USP12: variants seen among roughly 807,000 people sequenced by gnomAD.
USP12 encodes the protein ubiquitin carboxyl-terminal hydrolase 12.
A neutral mutation model predicts 45.5 loss-of-function variants in USP12; 19 were observed. The ratio of observed to expected loss-of-function variants is 0.42; its 90% CI spans 0.29 to 0.61. USP12 has a LOEUF of 0.61. Among genes scored for constraint, USP12 ranks in the 20% least tolerant of loss-of-function variants. The pLI, the probability that USP12 is intolerant of heterozygous loss-of-function variation, is 0.22. For synonymous variants in USP12, 149 were observed against 148.8 expected, an observed-to-expected ratio of 1.00 and a Z score of -0.01; for missense variants, 242 against 447.7, an observed-to-expected ratio of 0.54 and a Z score of 4.15.
intron 1 of USP12, among the ~76,000 whole-genome samples, chr13:27,138,967 C>T (rs142598898): frequency 1.0e-3 from 152 of 152,262 alleles, no homozygotes; most frequent in African/African-American, 3.4e-3. Flanking sequence ...ACAGTTTCAA[C>T]GGTAAGGTGT....
chr13:27,077,112 C>T (rs1319847641), intron 6 of USP12: 1 of 152,062 alleles, frequency 6.6e-6, no homozygotes, highest in South Asian at 2.1e-4. Flanking sequence ...GAGTGTTGTA[C>T]AACTTAAATA....
chr13:27,150,401 A>G (rs1023654772), intron 1 of USP12, among the ~76,000 whole-genome samples: 2 of 152,236 alleles, frequency 1.3e-5, no homozygotes, highest in African/African-American at 4.8e-5. Context: ...CAGAGTTTCA[A>G]AACTCTGAAA....
At chr13:27,158,357 C>T (rs1213630061) in intron 1 of USP12, among the ~76,000 whole-genome samples, 5 of 152,238 alleles carry the variant, frequency 3.3e-5, no homozygotes, top group South Asian at 2.1e-4. Context: ...CCAACCCTGT[C>T]GACATCCTGA....
At chr13:27,084,284 G>C (rs1175498799) in intron 6 of USP12, among the ~76,000 whole-genome samples, 1 of 151,318 alleles carries the variant, frequency 6.6e-6, no homozygotes, top group Non-Finnish European at 1.5e-5. Context: ...AAGGCAGGCA[G>C]ATCACAAGGT....
At chr13:27,146,732 C>T (rs1010317080) in intron 1 of USP12, among the ~76,000 whole-genome samples, 2 of 152,108 alleles carry the variant, frequency 1.3e-5, no homozygotes, top group Non-Finnish European at 2.9e-5. Flanking sequence ...TTAATTCATC[C>T]GTTATGCATT....
At chr13:27,109,743 G>A (rs1270925906) in intron 2 of USP12, among the ~76,000 whole-genome samples, 2 of 151,730 alleles carry the variant, frequency 1.3e-5, no homozygotes, top group Admixed American at 6.6e-5. Flanking sequence ...GTGAAACCCC[G>A]TCTCTACTAA....
chr13:27,069,093 A>G lies in USP12; in HGVS notation c.*190T>C. 1 of 614,946 alleles carries G rather than the reference A, an allele frequency of 1.6e-6. No homozygotes were observed. The highest frequency in any genetic ancestry group is 1.9e-5 in the South Asian group (1 of 51,632). 38.1% of individuals were successfully genotyped at this position (614,946 alleles called of 1,614,324 possible). ...AACTGTACAGACAGCATGATACCTG[A>G]GCAAATAAATCAACTACCATGATCG... On this transcript the variant is annotated 3_prime_UTR_variant, in exon 9 of 9. Transcript: ENST00000282344.
intron 1 of USP12, among the ~76,000 whole-genome samples, chr13:27,130,045 G>T (rs1344754020): frequency 6.6e-6 from 1 of 152,172 alleles, no homozygotes; most frequent in African/African-American, 2.4e-5. Flanking sequence ...AGTTGATGAA[G>T]GGAGAAGAGA....
At position 27,109,912 on chromosome 13, in the gene USP12, C is replaced by CAA. The variant is rs58500654; in HGVS notation, c.130-3970_130-3969dup. On this transcript the variant is annotated intron_variant, in intron 2 of 8. Coordinates refer to ENST00000282344, the MANE Select transcript of USP12 (RefSeq NM_182488.4). ...GGGCGACACAGTGAGACTCTGTCTC[C>CAA]AAAAAAAAAAAAAAGTCATCTTTGA... Among the ~76,000 whole-genome samples, 346 of 108,348 alleles carry CAA rather than the reference C, an allele frequency of 3.2e-3. 22 individuals carry two copies. Among genetic ancestry groups the CAA allele is most frequent in the African/African-American group, 0.012 (318 of 27,612 alleles). 71.1% of individuals were successfully genotyped at this position (108,348 alleles called of 152,430 possible).
chr13:27,123,828 A>C lies in USP12; in HGVS notation c.49-7232T>G, dbSNP rs887284322. Among the ~76,000 whole-genome samples, 4 of 152,176 alleles carry C rather than the reference A, an allele frequency of 2.6e-5. No individual in the cohort carries two copies. In the South Asian group the frequency reaches 8.3e-4, roughly 31 times the overall value. On this transcript the variant is annotated intron_variant, in intron 1 of 8. Coordinates refer to ENST00000282344, the MANE Select transcript of USP12 (RefSeq NM_182488.4). Reference sequence around the variant, plus strand: ...ATTACCCAGTCTCAGGTATTTCTTCACAACAGTATGAAAATGGACTAATAC... The same window carrying C: ...ATTACCCAGTCTCAGGTATTTCTTCCCAACAGTATGAAAATGGACTAATAC...
chr13:27,134,102 C>T (rs143939951), intron 1 of USP12, among the ~76,000 whole-genome samples: 310 of 152,276 alleles, frequency 2.0e-3, no homozygotes, highest in African/African-American at 7.2e-3. Context: ...TATGATCAGG[C>T]CACTGCACTC....
At chr13:27,107,530 A>T (rs186066548) in intron 2 of USP12, among the ~76,000 whole-genome samples, 2 of 137,728 alleles carry the variant, frequency 1.5e-5, no homozygotes, top group Non-Finnish European at 3.3e-5. Context: ...ACATAAACTT[A>T]TAACTCTGAA....
intron 1 of USP12, among the ~76,000 whole-genome samples, chr13:27,166,987 C>T (rs974153717): frequency 2.0e-5 from 3 of 151,998 alleles, no homozygotes; most frequent in African/African-American, 7.3e-5. Context: ...GATAATCATT[C>T]GTGGGTAAAC....
chr13:27,170,144 G>T lies in USP12; in HGVS notation c.48+1448C>A, dbSNP rs140800434. 195 of 395,250 alleles carry T rather than the reference G, an allele frequency of 4.9e-4. 1 individual carries two copies. The highest frequency in any genetic ancestry group is 3.5e-3 in the African/African-American group (172 of 48,680). The allele number at this position is 395,250 out of a possible 1,614,324, so 24.5% of individuals were successfully genotyped here. A position where few individuals can be genotyped will look rare whatever the true frequency, so the allele number is the denominator to read the frequency against. ...TTTAATACAAATGCTTTCCTAAAAT[G>T]TAAACTGTGAGAAAGAACAATCATC... On this transcript the variant is annotated intron_variant, in intron 1 of 8. Coordinates refer to ENST00000282344, the MANE Select transcript of USP12 (RefSeq NM_182488.4).
intron 1 of USP12, among the ~76,000 whole-genome samples, chr13:27,142,374 A>C (rs1043600785): frequency 6.6e-6 from 1 of 152,226 alleles, no homozygotes; most frequent in African/African-American, 2.4e-5. Context: ...GACAAATATA[A>C]TGCATGATCA....
intron 2 of USP12, among the ~76,000 whole-genome samples, chr13:27,108,084 A>G (rs1477030338): frequency 3.3e-5 from 5 of 152,004 alleles, no homozygotes; most frequent in African/African-American, 4.8e-5. Flanking sequence ...ACATGCACAC[A>G]TATGTTTATT....
chr13:27,075,450 T>C, intron 6 of USP12, 62 bp from the exon 7 acceptor site: 2 of 1,443,402 alleles, frequency 1.4e-6, no homozygotes, highest in Non-Finnish European at 1.9e-6. Flanking sequence ...CCTTGAATTA[T>C]CAAACTTTAC....
intron 1 of USP12, among the ~76,000 whole-genome samples, chr13:27,164,150 C>T (rs1324861853): frequency 6.6e-6 from 1 of 151,484 alleles, no homozygotes; most frequent in Non-Finnish European, 1.5e-5. Context: ...ATAAAAAGCA[C>T]TAAAATAAAA....
chr13:27,086,817 G>A (rs1874067665), intron 6 of USP12, among the ~76,000 whole-genome samples: 1 of 152,182 alleles, frequency 6.6e-6, no homozygotes, highest in African/African-American at 2.4e-5. Context: ...TGAATGTAAT[G>A]CTTTAGCCCC....
Sources: gnomAD v4.1 joint callset for allele counts (sites outside exome capture counted in the v4.1 genomes callset) on GRCh38, gnomAD v4.1.1 for gene constraint, MANE v1.5 for transcripts, NCBI Gene and HGNC (gene_info 2026-07-23, HGNC 2026-07-21) for gene names.